GTF2E1: variants seen among roughly 807,000 people sequenced by gnomAD.
GTF2E1 encodes the protein TFIIE alpha subunit.
In GTF2E1, 14 loss-of-function variants were observed where a neutral mutation model predicts 34.9. The observed-to-expected ratio is 0.40, with a 90% CI of 0.27 to 0.63. The LOEUF is 0.63. Among genes scored for constraint, GTF2E1 ranks in the 20% least tolerant of loss-of-function variants. The pLI, the probability that GTF2E1 is intolerant of heterozygous loss-of-function variation, is 0.39. For missense variants in GTF2E1, 469 were observed against 557.7 expected (o/e 0.84, Z 1.60); for synonymous variants, 188 against 192.9 (o/e 0.97, Z 0.21).
At position 120,753,219 on chromosome 3, in the gene GTF2E1, G is replaced by A. The variant is rs151123284; in HGVS notation, c.448+2219G>A. On this transcript the variant is annotated intron_variant, in intron 2 of 4. Transcript: ENST00000283875. ...TTTCTCTATTATTCTTTCTTGTTTT[G>A]CTCGGTATTCATCTCTCTGTCCTCT... Among the ~76,000 whole-genome samples the A allele has an allele frequency of 2.3e-3, 349 of 150,266 alleles. 4 individuals are homozygous for A. Among genetic ancestry groups the A allele is most frequent in the African/African-American group, 8.1e-3 (331 of 40,890 alleles).
At chr3:120,780,946 T>C in intron 4 of GTF2E1, 97 bp from the exon 5 acceptor site, 1 of 773,614 alleles carries the variant, frequency 1.3e-6, no homozygotes, top group Admixed American at 3.0e-5. Flanking sequence ...TGTTATTTTA[T>C]CGTATTATTT....
intron 2 of GTF2E1, 50 bp downstream of exon 2, chr3:120,751,050 T>G: frequency 8.6e-7 from 1 of 1,166,470 alleles, no homozygotes; most frequent in Non-Finnish European, 1.2e-6. Flanking sequence ...TGTATTACCT[T>G]TTTTCTTAAA....
Position 120,781,243 on chromosome 3 carries a change from T to C in GTF2E1, c.1093T>C (p.Ser365Pro). Reference sequence around the variant, plus strand: ...CGAGACCAGTGAGTCAGATGATGATTCTCCACCCCGTCCGGCAGCTGTGGC... The same window carrying C: ...CGAGACCAGTGAGTCAGATGATGATCCTCCACCCCGTCCGGCAGCTGTGGC... Reference protein sequence around the residue: ...ESETSESDDDSPPRPAAVAVH... With the variant: ...ESETSESDDDPPPRPAAVAVH... The change falls in exon 5 of 5, where the codon TCT (serine) becomes CCT (proline). Residue 365 changes from serine to proline, a missense_variant. Ser to Pro is a moderately conservative substitution (Grantham distance 74, BLOSUM62 -1). Coordinates refer to ENST00000283875, the MANE Select transcript of GTF2E1 (RefSeq NM_005513.3). The C allele has an allele frequency of 2.5e-6, 4 of 1,614,084 alleles. No individual in the cohort carries two copies. Among genetic ancestry groups the C allele is most frequent in the Non-Finnish European group, 3.4e-6 (4 of 1,179,994 alleles).
chr3:120,780,454 T>A (rs1327863514), intron 4 of GTF2E1, among the ~76,000 whole-genome samples: 1 of 152,128 alleles, frequency 6.6e-6, no homozygotes, highest in Non-Finnish European at 1.5e-5. Context: ...GCAAAGGCCC[T>A]GAGGTAGGAG....
intron 1 of GTF2E1, among the ~76,000 whole-genome samples, chr3:120,745,312 T>C (rs969779943): frequency 2.0e-5 from 3 of 152,148 alleles, no homozygotes; most frequent in African/African-American, 7.2e-5. Context: ...AACTGTTGGA[T>C]TGTAAAGTCC....
chr3:120,750,246 A>C (rs1352507932), intron 1 of GTF2E1, among the ~76,000 whole-genome samples: 2 of 152,206 alleles, frequency 1.3e-5, no homozygotes, highest in Non-Finnish European at 2.9e-5. Context: ...TTCTGAAGTA[A>C]AGTAGACTTG....
At chr3:120,746,950 C>A (rs548735156) in intron 1 of GTF2E1, among the ~76,000 whole-genome samples, 1 of 152,304 alleles carries the variant, frequency 6.6e-6, no homozygotes, top group African/African-American at 2.4e-5. Flanking sequence ...TTAATCACAA[C>A]AACTCCACTG....
At chr3:120,779,225 A>G (rs1339369106) in intron 4 of GTF2E1, among the ~76,000 whole-genome samples, 1 of 152,172 alleles carries the variant, frequency 6.6e-6, no homozygotes, top group Admixed American at 6.5e-5. Context: ...TACAAAACTA[A>G]TTTTCTTTTT....
rs751055126 is a variant in GTF2E1, at chr3:120,751,006, G to T, written c.448+6G>T. Reference sequence around the variant, plus strand: ...GCTCTTTGATCCTATGACAGGTGAGGTTTATCCAGTTTGTGAATCTTTAAA... The same window carrying T: ...GCTCTTTGATCCTATGACAGGTGAGTTTTATCCAGTTTGTGAATCTTTAAA... On this transcript the variant is annotated splice_donor_region_variant and intron_variant, in intron 2 of 4. Transcript: ENST00000283875. 6 of 1,563,016 alleles carry T rather than the reference G, an allele frequency of 3.8e-6. No individual in the cohort carries two copies. Among genetic ancestry groups the T allele is most frequent in the Admixed American group, 1.8e-5 (1 of 54,744 alleles).
At chr3:120,776,713 A>C (rs1457993070) in intron 4 of GTF2E1, 49 bp downstream of exon 4, 15 of 1,552,484 alleles carry the variant, frequency 9.7e-6, no homozygotes, top group Non-Finnish European at 1.3e-5. Context: ...TCTGTAGAAC[A>C]TGAACTTGGC....
At chr3:120,767,029 TC>T (rs144496170) in intron 2 of GTF2E1, among the ~76,000 whole-genome samples, 1,950 of 152,252 alleles carry the variant, frequency 0.013, 57 homozygotes, top group African/African-American at 0.044. Context: ...TTTTTTAGGG[TC>T]CCAGAAGAAA....
At chr3:120,756,884 C>T (rs1709214376) in intron 2 of GTF2E1, among the ~76,000 whole-genome samples, 1 of 152,106 alleles carries the variant, frequency 6.6e-6, no homozygotes, top group African/African-American at 2.4e-5. Flanking sequence ...CGAGATCGCA[C>T]CACTGCACTC....
intron 2 of GTF2E1, among the ~76,000 whole-genome samples, chr3:120,765,010 G>A (rs1452867859): frequency 1.4e-5 from 2 of 147,930 alleles, no homozygotes; most frequent in African/African-American, 4.9e-5. Context: ...TTTAATTGTT[G>A]TTACCAATCC....
At chr3:120,776,208 A>C (rs1310673228) in intron 3 of GTF2E1, among the ~76,000 whole-genome samples, 4 of 152,196 alleles carry the variant, frequency 2.6e-5, no homozygotes, top group Admixed American at 6.5e-5. Flanking sequence ...ATGTTTGAGG[A>C]ACTTAAATAT....
At chr3:120,751,047 C>T in intron 2 of GTF2E1, 47 bp downstream of exon 2, 1 of 1,191,958 alleles carries the variant, frequency 8.4e-7, no homozygotes, top group South Asian at 1.4e-5. Context: ...GTGTGTATTA[C>T]CTTTTTTCTT....
chr3:120,744,062 G>A (rs868715807), intron 1 of GTF2E1, among the ~76,000 whole-genome samples: 69 of 152,242 alleles, frequency 4.5e-4, no homozygotes, highest in Middle Eastern at 3.4e-3. Flanking sequence ...CCCTAATAAC[G>A]CCAGCTGCTA....
intron 2 of GTF2E1, among the ~76,000 whole-genome samples, chr3:120,765,849 A>G (rs1238923146): frequency 6.6e-6 from 1 of 152,172 alleles, no homozygotes; most frequent in Non-Finnish European, 1.5e-5. Context: ...TCATTTGTCA[A>G]GCTTTGCCTA....
intron 2 of GTF2E1, among the ~76,000 whole-genome samples, chr3:120,761,859 C>T (rs1177574793): frequency 2.0e-5 from 3 of 147,070 alleles, no homozygotes; most frequent in Non-Finnish European, 3.0e-5. Flanking sequence ...GGCGTGATCT[C>T]GGCTCACTGC....
intron 2 of GTF2E1, among the ~76,000 whole-genome samples, chr3:120,757,139 A>C (rs1205508251): frequency 3.9e-5 from 6 of 152,112 alleles, no homozygotes; most frequent in Non-Finnish European, 8.8e-5. Flanking sequence ...ATTTGGGCCT[A>C]ATTTAGAGAA....
Sources: gnomAD v4.1 joint callset for allele counts (sites outside exome capture counted in the v4.1 genomes callset) on GRCh38, gnomAD v4.1.1 for gene constraint, MANE v1.5 for transcripts, NCBI Gene and HGNC (gene_info 2026-07-23, HGNC 2026-07-21) for gene names.